PSEN2: variants seen among roughly 807,000 people sequenced by gnomAD.
PSEN2 encodes the protein presenilin 2.
Under a neutral mutation model 49.1 loss-of-function variants are expected in PSEN2, and 32 were observed. That is an observed-to-expected ratio of 0.65 (90% CI 0.49 to 0.88). PSEN2 has a LOEUF of 0.88. Ranked by LOEUF, PSEN2 falls within the 40% of genes least tolerant of loss-of-function variation. PSEN2 has a pLI of 0.00. For synonymous variants in PSEN2, 255 were observed against 244.0 expected (o/e 1.05, Z -0.42); for missense variants, 522 against 586.9 (o/e 0.89, Z 1.14).
At chr1:226,888,033 G>A in intron 6 of PSEN2, 58 bp from the exon 7 acceptor site, 4 of 1,371,198 alleles carry the variant, frequency 2.9e-6, no homozygotes, top group Non-Finnish European at 3.1e-6. Flanking sequence ...GATCCTGGGG[G>A]CCTTAGAATT....
At chr1:226,877,866 C>T (rs1345530751) in intron 3 of PSEN2, among the ~76,000 whole-genome samples, 1 of 152,076 alleles carries the variant, frequency 6.6e-6, no homozygotes, top group African/African-American at 2.4e-5. Flanking sequence ...TTGATGAGAC[C>T]GGGCCTGGGC....
chr1:226,888,590 C>T (rs1413024874), intron 7 of PSEN2, among the ~76,000 whole-genome samples: 1 of 152,214 alleles, frequency 6.6e-6, no homozygotes, highest in East Asian at 1.9e-4. Context: ...AACACTTTCC[C>T]AAGGACCTTT....
intron 3 of PSEN2, chr1:226,880,762 C>T (rs1187337305): frequency 9.3e-6 from 15 of 1,612,012 alleles, no homozygotes; most frequent in Admixed American, 3.3e-5. Flanking sequence ...CTGTGTGAAA[C>T]CCCACTTGGC....
chr1:226,891,426 T>C (rs148598799), intron 10 of PSEN2, 65 bp downstream of exon 10: 21 of 1,432,396 alleles, frequency 1.5e-5, no homozygotes, highest in Non-Finnish European at 1.8e-5. Context: ...TGCACCCAGC[T>C]CTGCTCGGCC....
intron 3 of PSEN2, among the ~76,000 whole-genome samples, chr1:226,880,186 G>A (rs1276433209): frequency 6.6e-6 from 1 of 152,122 alleles, no homozygotes; most frequent in African/African-American, 2.4e-5. Context: ...ACTAGCTTGG[G>A]CAACAACGTG....
chr1:226,886,978 G>A (rs1386792525), intron 6 of PSEN2, among the ~76,000 whole-genome samples: 1 of 152,212 alleles, frequency 6.6e-6, no homozygotes, highest in Non-Finnish European at 1.5e-5. Flanking sequence ...GTGTAACTGT[G>A]ACGAGGCAGG....
downstream of PSEN2, among the ~76,000 whole-genome samples, chr1:226,901,057 G>A (rs1662299056): frequency 6.6e-6 from 1 of 152,162 alleles, no homozygotes; most frequent in Admixed American, 6.5e-5. Context: ...TAGAATAGGT[G>A]CTCTTGACTA....
chr1:226,897,168 C>T (rs1380709190), downstream of PSEN2, among the ~76,000 whole-genome samples: 4 of 152,196 alleles, frequency 2.6e-5, no homozygotes, highest in East Asian at 5.8e-4. Flanking sequence ...AGGGATGGTC[C>T]CTGATGGTGA....
At chr1:226,872,822 A>T (rs1046712449) in intron 2 of PSEN2, among the ~76,000 whole-genome samples, 1 of 152,180 alleles carries the variant, frequency 6.6e-6, no homozygotes, top group African/African-American at 2.4e-5. Flanking sequence ...CCCGAGAGGA[A>T]CATTTTCCAC....
downstream of PSEN2, among the ~76,000 whole-genome samples, chr1:226,896,538 A>T (rs1374880771): frequency 6.6e-6 from 1 of 152,140 alleles, no homozygotes; most frequent in Non-Finnish European, 1.5e-5. Flanking sequence ...CCTTCTCTGT[A>T]CATCAATCAT....
chr1:226,877,202 A>T (rs1422939418), intron 3 of PSEN2, among the ~76,000 whole-genome samples: 1 of 152,100 alleles, frequency 6.6e-6, no homozygotes, highest in South Asian at 2.1e-4. Flanking sequence ...GCTGAGAATC[A>T]CCCGGGGACC....
At chr1:226,890,417 G>A (rs116529536) in intron 9 of PSEN2, 4,565 of 412,546 alleles carry the variant, frequency 0.011, 91 homozygotes, top group African/African-American at 0.047. Context: ...CTGTGATCCC[G>A]CAGCCACCCC....
intron 12 of PSEN2, among the ~76,000 whole-genome samples, chr1:226,894,722 G>A (rs1370232958): frequency 3.3e-5 from 5 of 152,246 alleles, no homozygotes; most frequent in Non-Finnish European, 7.3e-5. Context: ...AGGAGGAGGA[G>A]CGTCTGAGCC....
At chr1:226,892,475 C>T (rs781078719) in intron 11 of PSEN2, among the ~76,000 whole-genome samples, 10 of 152,226 alleles carry the variant, frequency 6.6e-5, no homozygotes, top group Non-Finnish European at 1.3e-4. Flanking sequence ...CACCCAATGC[C>T]AGCCCACTGC....
chr1:226,897,856 G>A (rs1453883415), downstream of PSEN2: 2 of 155,254 alleles, frequency 1.3e-5, no homozygotes, highest in African/African-American at 4.8e-5. Flanking sequence ...ATGTTGGCAT[G>A]TTTTCTTAAC....
intron 3 of PSEN2, among the ~76,000 whole-genome samples, chr1:226,878,348 C>T (rs938829708): frequency 5.9e-5 from 9 of 152,090 alleles, no homozygotes; most frequent in South Asian, 2.1e-4. Context: ...GCATGAGCAC[C>T]GCACCCAGCC....
In PSEN2 at chr1:226,888,870, C is replaced by A; in HGVS notation, c.608C>A (p.Thr203Asn). 6.2e-7 allele frequency: 1 copy of A among 1,614,224 alleles called. No individual in the cohort carries two copies. The stretch of plus-strand genomic sequence containing the variant: ...TACAATGTGGCCATGGACTACCCCA[C>A]CCTCTTGCTGACTGTCTGGAACTTC... ...KTYNVAMDYP[T>N]LLLTVWNFGA... The change falls in exon 8 of 13, where the codon ACC becomes AAC. Residue 203 changes from threonine to asparagine, a missense_variant. By Grantham distance (65) the Thr-to-Asn change is moderately conservative. Transcript: ENST00000366783.
At chr1:226,888,224 C>T in intron 7 of PSEN2, 66 bp downstream of exon 7, 2 of 1,382,192 alleles carry the variant, frequency 1.4e-6, no homozygotes, top group South Asian at 2.3e-5. Flanking sequence ...TGGACATGGG[C>T]ATGAGGACCT....
chr1:226,876,250 AC>A (rs148366519), intron 3 of PSEN2, among the ~76,000 whole-genome samples: 1,598 of 152,294 alleles, frequency 0.01, 23 homozygotes, highest in African/African-American at 0.036. Flanking sequence ...TTCAGAGCAG[AC>A]TTAGGTGGCT....
Sources: gnomAD v4.1 joint callset for allele counts (sites outside exome capture counted in the v4.1 genomes callset) on GRCh38, gnomAD v4.1.1 for gene constraint, MANE v1.5 for transcripts, NCBI Gene and HGNC (gene_info 2026-07-23, HGNC 2026-07-21) for gene names.